ANO4: variants seen among roughly 807,000 people sequenced by gnomAD.
ANO4 encodes the protein anoctamin-4.
In ANO4, 69 loss-of-function variants were observed where a neutral mutation model predicts 141.9. That is an observed-to-expected ratio of 0.49 (90% confidence interval 0.40 to 0.59). The LOEUF (loss-of-function observed/expected upper bound fraction) is 0.59, where lower values mean the gene tolerates loss of function less well. Among genes scored for constraint, ANO4 ranks in the 20% least tolerant of loss-of-function variants. ANO4 has a pLI of 0.00. For synonymous variants in ANO4, 350 were observed against 394.3 expected (o/e 0.89, Z 1.33); for missense variants, 894 against 1,162.2 (o/e 0.77, Z 3.36).
chr12:100,844,088 G>A (rs550185179), intron 1 of ANO4, among the ~76,000 whole-genome samples: 1 of 152,202 alleles, frequency 6.6e-6, no homozygotes, highest in Admixed American at 6.5e-5. Context: ...AGAGGTAAAT[G>A]CAAGGTGCCT....
At chr12:100,841,678 G>A (rs1424162762) in intron 1 of ANO4, among the ~76,000 whole-genome samples, 1 of 152,176 alleles carries the variant, frequency 6.6e-6, no homozygotes, top group Admixed American at 6.5e-5. Flanking sequence ...TCAAAGTCCT[G>A]AGGACAAATT....
chr12:100,749,128 C>T (rs962370293), intron 3 of ANO4, among the ~76,000 whole-genome samples: 1 of 152,078 alleles, frequency 6.6e-6, no homozygotes. Flanking sequence ...GGACAGTGTG[C>T]AAAGGCTGAT....
At chr12:100,989,784 TGG>T (rs1249759381) in intron 8 of ANO4, among the ~76,000 whole-genome samples, 2 of 150,334 alleles carry the variant, frequency 1.3e-5, no homozygotes, top group Non-Finnish European at 3.0e-5. Context: ...GATGGATGGA[TGG>T]ATGGATGGAT....
intron 1 of ANO4, among the ~76,000 whole-genome samples, chr12:100,797,451 C>A (rs1017033549): frequency 6.6e-6 from 1 of 152,168 alleles, no homozygotes; most frequent in East Asian, 1.9e-4. Context: ...AAAACTACTG[C>A]AGGAAAAATT....
intron 8 of ANO4, among the ~76,000 whole-genome samples, chr12:100,996,729 A>G (rs995019393): frequency 6.6e-6 from 1 of 152,152 alleles, no homozygotes; most frequent in Non-Finnish European, 1.5e-5. Flanking sequence ...TTGTTGCTGG[A>G]GGGACAGTGA....
intron 1 of ANO4, among the ~76,000 whole-genome samples, chr12:100,894,095 G>A (rs903069129): frequency 3.9e-5 from 6 of 152,038 alleles, no homozygotes; most frequent in Non-Finnish European, 8.8e-5. Context: ...GCGCTTAAAC[G>A]CTCAGTTAAC....
intron 3 of ANO4, among the ~76,000 whole-genome samples, chr12:100,780,131 C>G (rs538838712): frequency 6.6e-6 from 1 of 152,122 alleles, no homozygotes; most frequent in South Asian, 2.1e-4. Context: ...TAATGCAATC[C>G]TCTTGCCTTA....
exon 3 of ANO4, chr12:100,739,866 C>T (rs1514803): frequency 0.013 from 8,949 of 702,454 alleles, 169 homozygotes; most frequent in East Asian, 0.049. Flanking sequence ...TATGACGTTG[C>T]GGGGCCTGTG....
chr12:100,888,253 G>T (rs1331852953), intron 1 of ANO4, among the ~76,000 whole-genome samples: 2 of 152,144 alleles, frequency 1.3e-5, no homozygotes, highest in East Asian at 3.8e-4. Flanking sequence ...GGAAAGGGGT[G>T]GATTTTCAAG....
At chr12:101,010,097 G>T in intron 8 of ANO4, among the ~76,000 whole-genome samples, 1 of 152,088 alleles carries the variant, frequency 6.6e-6, no homozygotes, top group Non-Finnish European at 1.5e-5. Flanking sequence ...TTATTACATA[G>T]ATCTGTCTGC....
chr12:100,883,056 C>T (rs1335842221), intron 1 of ANO4, among the ~76,000 whole-genome samples: 1 of 152,252 alleles, frequency 6.6e-6, no homozygotes, highest in East Asian at 1.9e-4. Flanking sequence ...CTACCACAAT[C>T]GTTTATGGAA....
intron 14 of ANO4, among the ~76,000 whole-genome samples, chr12:101,061,828 C>T (rs1223955456): frequency 6.6e-6 from 1 of 152,004 alleles, no homozygotes; most frequent in African/African-American, 2.4e-5. Flanking sequence ...TTAGAACATG[C>T]TCCTTTAGCT....
chr12:100,723,797 C>T (rs1049340692), intron 1 of ANO4, among the ~76,000 whole-genome samples: 1 of 152,126 alleles, frequency 6.6e-6, no homozygotes, highest in Non-Finnish European at 1.5e-5. Context: ...TCCCCAAATA[C>T]TATCACACTG....
intron 22 of ANO4, among the ~76,000 whole-genome samples, chr12:101,102,659 C>T (rs2050236689): frequency 6.6e-6 from 1 of 151,970 alleles, no homozygotes; most frequent in Admixed American, 6.5e-5. Flanking sequence ...CTTGACTTCT[C>T]ATTCTAATGG....
At chr12:100,738,077 G>C (rs1461615547) in intron 2 of ANO4, among the ~76,000 whole-genome samples, 1 of 152,180 alleles carries the variant, frequency 6.6e-6, no homozygotes, top group Non-Finnish European at 1.5e-5. Flanking sequence ...ATGTATGAGA[G>C]ATTTAAGAAC....
At position 101,058,866 on chromosome 12, in the gene ANO4, C is replaced by G. The variant is rs145093470; in HGVS notation, c.1312+10465C>G. ...GAATACCCTTTATTTCTTTCTCTTGCCTGATTGCCCTGACCAGAACTTTCA... is the reference window on the plus strand; with the variant it reads ...GAATACCCTTTATTTCTTTCTCTTGGCTGATTGCCCTGACCAGAACTTTCA... On this transcript the variant is annotated intron_variant, in intron 14 of 27. Transcript: ENST00000392977. Among the ~76,000 whole-genome samples the G allele has an allele frequency of 5.5e-3, 839 of 152,238 alleles. 13 individuals are homozygous for G. Among genetic ancestry groups the G allele is most frequent in the African/African-American group, 0.019 (808 of 41,542 alleles).
intron 1 of ANO4, among the ~76,000 whole-genome samples, chr12:100,724,066 A>G (rs919012801): frequency 1.3e-5 from 2 of 152,232 alleles, no homozygotes; most frequent in African/African-American, 4.8e-5. Context: ...CATGGATCTT[A>G]TGATGTAATA....
At chr12:101,117,091 C>T (rs546133510) in intron 25 of ANO4, among the ~76,000 whole-genome samples, 3 of 152,334 alleles carry the variant, frequency 2.0e-5, no homozygotes, top group South Asian at 2.1e-4. Context: ...TATACCGCTG[C>T]TCCAGGGACT....
chr12:100,772,067 A>G (rs1188170451), intron 3 of ANO4, among the ~76,000 whole-genome samples: 1 of 152,204 alleles, frequency 6.6e-6, no homozygotes, highest in Non-Finnish European at 1.5e-5. Flanking sequence ...GAGCTGGACT[A>G]TATCAGGGCT....
Sources: gnomAD v4.1 joint callset for allele counts (sites outside exome capture counted in the v4.1 genomes callset) on GRCh38, gnomAD v4.1.1 for gene constraint, MANE v1.5 for transcripts, NCBI Gene and HGNC (gene_info 2026-07-23, HGNC 2026-07-21) for gene names.